The following IMPG2 variants were observed in gnomAD, a reference collection of about 807,000 sequenced individuals.
IMPG2 encodes IPM 200.
A neutral mutation model predicts 129.2 loss-of-function variants in IMPG2; 91 were observed. The observed-to-expected ratio is 0.70, with a 90% CI of 0.59 to 0.84. The LOEUF (loss-of-function observed/expected upper bound fraction) is 0.84. IMPG2 is among the 40% of genes least tolerant of loss of function. The pLI is 0.00. For synonymous variants in IMPG2, 510 were observed against 517.7 expected (o/e 0.99, Z 0.20); for missense variants, 1,430 against 1,461.7 (o/e 0.98, Z 0.35).
At chr3:101,237,584 A>G (rs916792183) in intron 14 of IMPG2, among the ~76,000 whole-genome samples, 1 of 152,176 alleles carries the variant, frequency 6.6e-6, no homozygotes, top group African/African-American at 2.4e-5. Context: ...CAGAGTCTGG[A>G]GTGGACCTCC....
intron 9 of IMPG2, among the ~76,000 whole-genome samples, 158 bp downstream of exon 9, chr3:101,267,353 T>C (rs45450194): frequency 0.011 from 1,658 of 152,256 alleles, 30 homozygotes; most frequent in African/African-American, 0.037. Context: ...TACCTGACTC[T>C]TAATAGAAAA....
At chr3:101,249,562 T>TA (rs571398086) in intron 11 of IMPG2, among the ~76,000 whole-genome samples, 130 of 147,382 alleles carry the variant, frequency 8.8e-4, no homozygotes, top group South Asian at 1.3e-3. Context: ...TAGCTTTGGT[T>TA]AAAAAAAAAA....
In IMPG2 at chr3:101,257,674, A is replaced by T. The variant is rs776057913; in HGVS notation, c.1008T>A (p.His336Gln). ...ISLHSNKVEN[H>Q]GLVELDDKPT... ...GTTTATCATCCAGTTCCACAAGGCCATGGTTTTCCACCTTGTTGGAGTGAA... is the reference window on the plus strand; with the variant it reads ...GTTTATCATCCAGTTCCACAAGGCCTTGGTTTTCCACCTTGTTGGAGTGAA... The change falls in exon 10 of 19, where the codon CAT (histidine) becomes CAA (glutamine). Residue 336 changes from histidine to glutamine, a missense_variant. His to Gln is a conservative substitution (Grantham distance 24). Coordinates refer to ENST00000193391, the MANE Select transcript of IMPG2 (RefSeq NM_016247.4). 2 of 1,613,352 alleles carry T rather than the reference A, an allele frequency of 1.2e-6. No individual in the cohort carries two copies. The highest frequency in any genetic ancestry group is 8.5e-7 in the Non-Finnish European group (1 of 1,179,594).
Position 101,244,594 on chromosome 3 carries a change from T to C in IMPG2, c.1737A>G (p.Gln579=), listed in dbSNP as rs536600165. 2.0e-5 allele frequency: 32 copies of C among 1,595,704 alleles called. No individual in the cohort carries two copies. In the East Asian group the frequency reaches 2.7e-4, roughly 13 times the overall value. ...LDSLTSKVKD[Q]LKVSPFLPDA... ...CTGGCAGGAAAGGGCTCACTTTTAA[T>C]TGGTCTTTGACTTTGGAGGTCAAGG... Residue 579 remains glutamine (Q), a synonymous_variant, in exon 13 of 19, where the codon CAA becomes CAG. Coordinates refer to ENST00000193391, the MANE Select transcript of IMPG2 (RefSeq NM_016247.4).
At chr3:101,255,243 C>T (rs1392465964) in intron 10 of IMPG2, among the ~76,000 whole-genome samples, 1 of 152,012 alleles carries the variant, frequency 6.6e-6, no homozygotes, top group African/African-American at 2.4e-5. Flanking sequence ...GTTGGCCTGA[C>T]AATAGCAATA....
In IMPG2 at chr3:101,231,108, G is replaced by A; in HGVS notation, c.3271C>T (p.His1091Tyr). 4 of 1,614,138 alleles carry A rather than the reference G, an allele frequency of 2.5e-6. No individual in the cohort carries two copies. Among genetic ancestry groups the A allele is most frequent in the Non-Finnish European group, 2.5e-6 (3 of 1,180,018 alleles). ...GGCTCAGACACAAATTCCTCACAGT[G>A]CTTGCCTCGGTACCACCAGTTCTCA... is the stretch of plus-strand genomic sequence containing the variant. ...VGENWWYRGK[H>Y]CEEFVSEPVI... Residue 1091 changes from histidine (H) to tyrosine (Y), a missense_variant, in exon 16 of 19, where the codon CAC becomes TAC. Coordinates refer to ENST00000193391, the MANE Select transcript of IMPG2 (RefSeq NM_016247.4).
In IMPG2 at chr3:101,244,781, G is replaced by C; in HGVS notation, c.1550C>G (p.Ala517Gly). The C allele has an allele frequency of 6.2e-7, 1 of 1,613,006 alleles. No homozygotes were observed. Among genetic ancestry groups the C allele is most frequent in the Non-Finnish European group, 8.5e-7 (1 of 1,179,146 alleles). Residue 517 changes from alanine (A) to glycine (G), a missense_variant, in exon 13 of 19, where the codon GCC (alanine) becomes GGC (glycine). Coordinates refer to ENST00000193391, the MANE Select transcript of IMPG2 (RefSeq NM_016247.4). ...SGSHLVEDGL[A>G]NVEESEDFLS... ...AAAATCTTCTGACTCTTCAACATTGGCTAATCCTAAAAATAAAGTTTTCCA... is the reference window on the plus strand; with the variant it reads ...AAAATCTTCTGACTCTTCAACATTGCCTAATCCTAAAAATAAAGTTTTCCA...
chr3:101,285,831 G>T (rs188377666), intron 4 of IMPG2, among the ~76,000 whole-genome samples: 1 of 152,166 alleles, frequency 6.6e-6, no homozygotes, highest in East Asian at 1.9e-4. Context: ...GTGCCATTTT[G>T]TAACATGGAT....
chr3:101,229,640 T>C (rs1403556989), intron 16 of IMPG2, 50 bp from the exon 17 acceptor site: 3 of 1,483,942 alleles, frequency 2.0e-6, no homozygotes, highest in East Asian at 2.3e-5. Flanking sequence ...TGCTCAACTA[T>C]GTGGAAGACT....
At chr3:101,307,663 T>C (rs1173971464) in intron 2 of IMPG2, among the ~76,000 whole-genome samples, 1 of 152,108 alleles carries the variant, frequency 6.6e-6, no homozygotes, top group Non-Finnish European at 1.5e-5. Context: ...CTCCAACACA[T>C]AAGGATTACA....
intron 3 of IMPG2, among the ~76,000 whole-genome samples, chr3:101,292,858 A>AT (rs758448005): frequency 7.9e-5 from 12 of 152,196 alleles, no homozygotes; most frequent in Non-Finnish European, 1.8e-4. Context: ...CCAGAAGTAG[A>AT]TTCCATCTGA....
intron 3 of IMPG2, among the ~76,000 whole-genome samples, chr3:101,302,051 A>T (rs950457737): frequency 2.8e-4 from 43 of 151,964 alleles, no homozygotes; most frequent in African/African-American, 1.0e-3. Context: ...CATTCCCTAC[A>T]AACACTTGGC....
intron 10 of IMPG2, among the ~76,000 whole-genome samples, chr3:101,256,148 A>G (rs199576259): frequency 1.8e-4 from 10 of 56,136 alleles, no homozygotes; most frequent in Non-Finnish European, 2.4e-4. Flanking sequence ...AAGAAAGAAA[A>G]GAAAGAAAGA....
intron 2 of IMPG2, among the ~76,000 whole-genome samples, chr3:101,316,716 C>T (rs1340968003): frequency 2.6e-5 from 4 of 152,184 alleles, no homozygotes; most frequent in Admixed American, 1.3e-4. Flanking sequence ...ATACCTATCA[C>T]GTGACCCAGA....
At chr3:101,245,316 A>G (rs986075405) in intron 12 of IMPG2, among the ~76,000 whole-genome samples, 4 of 152,028 alleles carry the variant, frequency 2.6e-5, no homozygotes, top group Non-Finnish European at 5.9e-5. Flanking sequence ...CACAACATCT[A>G]GATTATCTAT....
intron 11 of IMPG2, among the ~76,000 whole-genome samples, chr3:101,252,296 G>A (rs547546686): frequency 2.6e-5 from 4 of 152,174 alleles, no homozygotes; most frequent in African/African-American, 9.6e-5. Context: ...GTCTATAGTT[G>A]GATCCAGCTA....
intron 3 of IMPG2, among the ~76,000 whole-genome samples, chr3:101,293,316 C>T (rs1458007771): frequency 6.6e-6 from 1 of 152,150 alleles, no homozygotes; most frequent in African/African-American, 2.4e-5. Context: ...ATGAAAACAA[C>T]ATTAATCTCC....
In IMPG2 at chr3:101,320,494, A is replaced by C; in HGVS notation, c.-122T>G. On this transcript the variant is annotated 5_prime_UTR_variant, in exon 1 of 19. The change creates a new upstream start codon in the 5' untranslated region. Transcript: ENST00000193391. ...TAACATTTAAAAGTCTATGTTTGAGAATGAACAACCACTTCAAAACCATTA... is the reference window on the plus strand; with the variant it reads ...TAACATTTAAAAGTCTATGTTTGAGCATGAACAACCACTTCAAAACCATTA... 2.9e-6 allele frequency: 2 copies of C among 691,416 alleles called. No homozygotes were observed. The highest frequency in any genetic ancestry group is 5.2e-6 in the Non-Finnish European group (2 of 382,608). 42.8% of individuals were successfully genotyped at this position (691,416 alleles called of 1,614,324 possible).
intron 10 of IMPG2, among the ~76,000 whole-genome samples, chr3:101,254,256 A>G (rs1353305009): frequency 6.6e-6 from 1 of 152,154 alleles, no homozygotes; most frequent in Non-Finnish European, 1.5e-5. Flanking sequence ...CTGTAATGAT[A>G]TTAAAGAGCA....
Sources: gnomAD v4.1 joint callset for allele counts (sites outside exome capture counted in the v4.1 genomes callset) on GRCh38, gnomAD v4.1.1 for gene constraint, MANE v1.5 for transcripts, NCBI Gene and HGNC (gene_info 2026-07-23, HGNC 2026-07-21) for gene names.